The following TRDN variants were observed in gnomAD, a reference collection of about 807,000 sequenced individuals.
TRDN encodes the protein triadin in skeletal muscle.
TRDN carries 161 observed loss-of-function variants against 149.7 expected under a neutral mutation model. The observed-to-expected ratio is 1.08, with a 90% CI of 0.95 to 1.23. The LOEUF is 1.23. Ranked by LOEUF, TRDN falls within the 50% of genes most tolerant of loss-of-function variation. TRDN has a pLI of 0.00. For missense variants in TRDN, 896 were observed against 823.5 expected (o/e 1.09, Z -1.08); for synonymous variants, 294 against 250.5 (o/e 1.17, Z -1.64).
intron 12 of TRDN, among the ~76,000 whole-genome samples, chr6:123,418,855 G>T (rs557402544): frequency 6.6e-6 from 1 of 152,182 alleles, no homozygotes; most frequent in Non-Finnish European, 1.5e-5. Context: ...TTTTTTATGA[G>T]CCTTGATGAG....
chr6:123,391,699 A>T (rs908733135), intron 13 of TRDN, among the ~76,000 whole-genome samples: 18 of 152,044 alleles, frequency 1.2e-4, no homozygotes, highest in Non-Finnish European at 1.8e-4. Flanking sequence ...ATATACATAC[A>T]TATGTATGGA....
chr6:123,397,623 C>T (rs553821897), intron 12 of TRDN, among the ~76,000 whole-genome samples: 179 of 152,190 alleles, frequency 1.2e-3, no homozygotes, highest in Non-Finnish European at 2.1e-3. Context: ...TTTAAGATGA[C>T]GCAAAATCTC....
At chr6:123,521,469 A>ACTT (rs751153329) in intron 5 of TRDN, among the ~76,000 whole-genome samples, 2 of 152,072 alleles carry the variant, frequency 1.3e-5, no homozygotes, top group African/African-American at 2.4e-5. Context: ...GAATTGGAGA[A>ACTT]CTTCATCTAC....
At chr6:123,280,259 A>G (rs949826074) in intron 24 of TRDN, among the ~76,000 whole-genome samples, 3 of 152,144 alleles carry the variant, frequency 2.0e-5, no homozygotes, top group Non-Finnish European at 4.4e-5. Context: ...TCATCAGAAG[A>G]GCACTGAACA....
intron 1 of TRDN, among the ~76,000 whole-genome samples, chr6:123,596,446 T>G (rs1784041872): frequency 6.6e-6 from 1 of 152,112 alleles, no homozygotes; most frequent in East Asian, 1.9e-4. Context: ...CTAGCTAAGA[T>G]GATGGATGAA....
chr6:123,573,163 C>A (rs1015763089), intron 1 of TRDN, among the ~76,000 whole-genome samples: 1 of 152,060 alleles, frequency 6.6e-6, no homozygotes, highest in African/African-American at 2.4e-5. Flanking sequence ...CTCCTGGCTT[C>A]TCTCTGCATT....
chr6:123,273,281 G>A lies in TRDN; in HGVS notation c.1624+56C>T, dbSNP rs187029339. 2,727 of 1,044,004 alleles carry A rather than the reference G, an allele frequency of 2.6e-3. 5 individuals carry two copies. Among genetic ancestry groups the A allele is most frequent in the Non-Finnish European group, 3.0e-3 (2,280 of 762,348 alleles). 64.7% of individuals were successfully genotyped at this position (1,044,004 alleles called of 1,614,324 possible). Reference sequence around the variant, plus strand: ...GTTGAAAATACATGATTTTGAAAACGTTTCAATATTTTTTCGTAAGAAAGT... The same window carrying A: ...GTTGAAAATACATGATTTTGAAAACATTTCAATATTTTTTCGTAAGAAAGT... On this transcript the variant is annotated intron_variant, in intron 28 of 40. Transcript: ENST00000334268.
intron 9 of TRDN, among the ~76,000 whole-genome samples, chr6:123,465,314 G>A (rs919547617): frequency 3.3e-5 from 5 of 151,840 alleles, no homozygotes; most frequent in Non-Finnish European, 5.9e-5. Flanking sequence ...CTAAGTTATG[G>A]AAACTAAAAT....
chr6:123,464,202 G>A lies in TRDN; in HGVS notation c.931+704C>T, dbSNP rs1266894072. 7.7e-6 allele frequency: 7 copies of A among 904,182 alleles called. No homozygotes were observed. In the African/African-American group the frequency reaches 1.1e-4, roughly 14 times the overall value. 56.0% of individuals were successfully genotyped at this position (904,182 alleles called of 1,614,324 possible). A position where few individuals can be genotyped will look rare whatever the true frequency, so the allele number is the denominator to read the frequency against. Reference sequence around the variant, plus strand: ...CAATATCTGAAATGATCCCATGTTTGGGATTTAATAAAAGTTTAAGAAATG... The same window carrying A: ...CAATATCTGAAATGATCCCATGTTTAGGATTTAATAAAAGTTTAAGAAATG... On this transcript the variant is annotated intron_variant, in intron 10 of 40. Coordinates refer to ENST00000334268, the MANE Select transcript of TRDN (RefSeq NM_006073.4).
intron 10 of TRDN, among the ~76,000 whole-genome samples, chr6:123,459,944 T>C (rs868176972): frequency 6.6e-5 from 10 of 152,160 alleles, no homozygotes; most frequent in African/African-American, 2.4e-4. Flanking sequence ...TATTCACTAC[T>C]TGTAGTTGTT....
intron 5 of TRDN, among the ~76,000 whole-genome samples, chr6:123,519,008 AG>A (rs984102116): frequency 1.3e-4 from 20 of 152,182 alleles, no homozygotes; most frequent in Non-Finnish European, 2.4e-4. Flanking sequence ...CTCTGCTTAG[AG>A]CCCACAACCA....
chr6:123,583,008 A>G (rs1783212175), intron 1 of TRDN, among the ~76,000 whole-genome samples: 1 of 152,170 alleles, frequency 6.6e-6, no homozygotes, highest in African/African-American at 2.4e-5. Context: ...TATGAATTGA[A>G]AAACTAAACG....
intron 24 of TRDN, among the ~76,000 whole-genome samples, chr6:123,297,436 A>G (rs578026267): frequency 6.6e-6 from 1 of 152,170 alleles, no homozygotes; most frequent in African/African-American, 2.4e-5. Flanking sequence ...CCAATAGAGA[A>G]GTAGATATGA....
intron 5 of TRDN, among the ~76,000 whole-genome samples, chr6:123,517,688 A>T (rs1160403391): frequency 6.6e-6 from 1 of 152,040 alleles, no homozygotes; most frequent in Non-Finnish European, 1.5e-5. Flanking sequence ...TGATGCCTTT[A>T]TGTCTCTGCC....
intron 1 of TRDN, among the ~76,000 whole-genome samples, chr6:123,622,985 C>G (rs1424579126): frequency 6.6e-6 from 1 of 152,066 alleles, no homozygotes; most frequent in Non-Finnish European, 1.5e-5. Context: ...CTCTCTTTCA[C>G]TTTACCCATC....
chr6:123,247,458 GACAA>G (rs1776223124), intron 38 of TRDN, among the ~76,000 whole-genome samples: 1 of 152,032 alleles, frequency 6.6e-6, no homozygotes, highest in South Asian at 2.1e-4. Flanking sequence ...ACCAATAATA[GACAA>G]ACAGAGAGCC....
At chr6:123,235,821 A>C (rs915910853) in intron 38 of TRDN, among the ~76,000 whole-genome samples, 7 of 152,152 alleles carry the variant, frequency 4.6e-5, no homozygotes, top group Non-Finnish European at 4.4e-5. Context: ...TTTGGAGCTT[A>C]GCTTCAGAAG....
chr6:123,308,338 GT>G (rs56246935), intron 24 of TRDN, among the ~76,000 whole-genome samples: 106,539 of 137,048 alleles, frequency 0.78, 40,098 homozygotes, highest in East Asian at 0.86. Context: ...GCACGTGTGT[GT>G]TTTTTTTTTT....
rs1783431570 is a variant in TRDN, at chr6:123,585,569, CAAG to C, written c.23-14440_23-14438del. ...CAGCGTCAGTCTTCAGCCGCTAAGC[CAAG>C]AAGATCTGGGAAGGAGTCTGAGAGC... On this transcript the variant is annotated intron_variant, in intron 1 of 40. Coordinates refer to ENST00000334268, the MANE Select transcript of TRDN (RefSeq NM_006073.4). 2.6e-5 allele frequency among the ~76,000 whole-genome samples: 4 copies of C among 152,162 alleles called. No individual in the cohort carries two copies. In the South Asian group the frequency reaches 6.2e-4, roughly 24 times the overall value.
Sources: allele counts gnomAD v4.1 joint callset (sites outside exome capture counted in the v4.1 genomes callset), GRCh38; gene constraint gnomAD v4.1.1; transcripts MANE v1.5; gene names NCBI Gene and HGNC (gene_info 2026-07-23, HGNC 2026-07-21).